Variants in CSMD1 observed in about 807,000 individuals in gnomAD.
CSMD1 encodes the protein CUB and Sushi multiple domains 1, also known as CUB and sushi domain-containing protein 1.
Under a neutral mutation model 417.5 loss-of-function variants are expected in CSMD1, and 213 were observed. That is an observed-to-expected ratio of 0.51 (90% CI 0.46 to 0.57). The LOEUF is 0.57. Ranked by LOEUF, CSMD1 falls within the 20% of genes least tolerant of loss-of-function variation. CSMD1 has a pLI of 0.00. For synonymous variants in CSMD1, 2,862 were observed against 1,736.8 expected, an observed-to-expected ratio of 1.65 and a Z score of -16.11; for missense variants, 6,923 against 4,529.7, an observed-to-expected ratio of 1.53 and a Z score of -15.17.
At chr8:4,070,211 T>C (rs529344173) in intron 3 of CSMD1, among the ~76,000 whole-genome samples, 6 of 152,306 alleles carry the variant, frequency 3.9e-5, no homozygotes, top group Admixed American at 1.3e-4. Flanking sequence ...TCTGTGTTTC[T>C]TGTCTTTTCT....
chr8:4,346,677 T>C (rs1018157406), intron 3 of CSMD1, among the ~76,000 whole-genome samples: 1 of 152,200 alleles, frequency 6.6e-6, no homozygotes, highest in African/African-American at 2.4e-5. Context: ...TTTTTCTAAT[T>C]TGCCTCGTAT....
intron 7 of CSMD1, chr8:3,702,100 G>A (rs1800904372): frequency 6.6e-6 from 1 of 151,982 alleles, no homozygotes; most frequent in Non-Finnish European, 1.5e-5. Flanking sequence ...ATGTTGTGTT[G>A]TTATTTTTCC....
At chr8:4,242,216 A>C (rs1253476813) in intron 3 of CSMD1, among the ~76,000 whole-genome samples, 1 of 152,168 alleles carries the variant, frequency 6.6e-6, no homozygotes, top group South Asian at 2.1e-4. Context: ...GTGATTTTTG[A>C]TGGAAATTAG....
At chr8:4,373,157 C>A (rs1362235304) in intron 3 of CSMD1, among the ~76,000 whole-genome samples, 1 of 152,150 alleles carries the variant, frequency 6.6e-6, no homozygotes, top group African/African-American at 2.4e-5. Flanking sequence ...GGAGGAGCAA[C>A]CCATGATACC....
chr8:4,307,904 C>T (rs1451133933), intron 3 of CSMD1, among the ~76,000 whole-genome samples: 1 of 152,084 alleles, frequency 6.6e-6, no homozygotes, highest in African/African-American at 2.4e-5. Context: ...AGCAGAGGCA[C>T]GTTTTTAGCA....
intron 1 of CSMD1, among the ~76,000 whole-genome samples, chr8:4,933,274 G>A (rs1335045390): frequency 6.6e-6 from 1 of 151,990 alleles, no homozygotes; most frequent in Non-Finnish European, 1.5e-5. Context: ...AAAAGCAACA[G>A]CAACATTCTC....
chr8:4,016,389 C>A (rs56899440), intron 4 of CSMD1, among the ~76,000 whole-genome samples: 21,648 of 152,030 alleles, frequency 0.14, 1,861 homozygotes, highest in African/African-American at 0.23. Context: ...CCGAGATGAT[C>A]GAGCCAGTGG....
intron 5 of CSMD1, among the ~76,000 whole-genome samples, chr8:3,953,096 CA>C (rs1323833184): frequency 6.6e-6 from 1 of 151,670 alleles, no homozygotes; most frequent in Non-Finnish European, 1.5e-5. Context: ...AGAAGAAAAT[CA>C]AAAGCTTTCT....
chr8:4,040,776 A>G (rs948549392), intron 3 of CSMD1, among the ~76,000 whole-genome samples: 1 of 152,188 alleles, frequency 6.6e-6, no homozygotes, highest in African/African-American at 2.4e-5. Flanking sequence ...AATGGATTTG[A>G]AACCTAGAGA....
At chr8:3,251,774 C>T (rs948717601) in intron 26 of CSMD1, among the ~76,000 whole-genome samples, 1 of 152,110 alleles carries the variant, frequency 6.6e-6, no homozygotes, top group Non-Finnish European at 1.5e-5. Context: ...TGAAGAGGTC[C>T]TTCACATCCC....
At chr8:3,882,036 G>T (rs1806239457) in intron 5 of CSMD1, among the ~76,000 whole-genome samples, 1 of 151,992 alleles carries the variant, frequency 6.6e-6, no homozygotes, top group Non-Finnish European at 1.5e-5. Context: ...ATTTTTAAAA[G>T]GTATTAACAA....
At chr8:3,936,820 C>G (rs1046003453) in intron 5 of CSMD1, among the ~76,000 whole-genome samples, 4 of 152,164 alleles carry the variant, frequency 2.6e-5, no homozygotes, top group African/African-American at 9.7e-5. Flanking sequence ...TTTCATAAGG[C>G]TATTGCTGCA....
chr8:3,059,386 T>G (rs901346525), intron 49 of CSMD1, among the ~76,000 whole-genome samples: 1 of 152,012 alleles, frequency 6.6e-6, no homozygotes, highest in Non-Finnish European at 1.5e-5. Flanking sequence ...CTGCAACAAC[T>G]CATGCTTTTT....
chr8:3,581,993 C>G (rs1800402543), intron 9 of CSMD1, among the ~76,000 whole-genome samples: 1 of 152,166 alleles, frequency 6.6e-6, no homozygotes, highest in African/African-American at 2.4e-5. Flanking sequence ...CAGAGTTTCA[C>G]TATGTTGGCC....
At chr8:3,359,374 G>C (rs1468123767) in intron 20 of CSMD1, 34 bp from the exon 21 acceptor site, 2 of 1,522,570 alleles carry the variant, frequency 1.3e-6, no homozygotes, top group Admixed American at 1.7e-5. Context: ...AATGCATGAG[G>C]ATTTGGGTAA....
chr8:4,677,908 T>A (rs1232716455), intron 1 of CSMD1, among the ~76,000 whole-genome samples: 3 of 152,120 alleles, frequency 2.0e-5, no homozygotes, highest in Non-Finnish European at 4.4e-5. Flanking sequence ...TGACATTTAA[T>A]GAACTATATA....
At chr8:3,594,356 G>A (rs567801831) in intron 8 of CSMD1, among the ~76,000 whole-genome samples, 12 of 152,084 alleles carry the variant, frequency 7.9e-5, no homozygotes, top group African/African-American at 2.2e-4. Flanking sequence ...AAGATAAGAA[G>A]AACTTATGCT....
chr8:3,924,547 G>C (rs940133924), intron 5 of CSMD1, among the ~76,000 whole-genome samples: 3 of 152,018 alleles, frequency 2.0e-5, no homozygotes, highest in Non-Finnish European at 2.9e-5. Context: ...CTTCATTTTT[G>C]AAAATTGTGT....
chr8:4,220,738 G>C (rs113423944), intron 3 of CSMD1, among the ~76,000 whole-genome samples: 383 of 152,310 alleles, frequency 2.5e-3, no homozygotes, highest in African/African-American at 8.9e-3. Context: ...GCTGGGATGA[G>C]AAAGACAGAG....
Sources: gnomAD v4.1 joint callset for allele counts (sites outside exome capture counted in the v4.1 genomes callset) on GRCh38, gnomAD v4.1.1 for gene constraint, MANE v1.5 for transcripts, NCBI Gene and HGNC (gene_info 2026-07-23, HGNC 2026-07-21) for gene names.